The following TNNI3K variants were observed in gnomAD, a reference collection of about 807,000 sequenced individuals.
TNNI3K encodes serine/threonine-protein kinase TNNI3K.
Under a neutral mutation model 114.5 loss-of-function variants are expected in TNNI3K, and 140 were observed. That is an observed-to-expected ratio of 1.22 (90% CI 1.07 to 1.41). TNNI3K has a LOEUF of 1.41. TNNI3K is among the 40% of genes most tolerant of loss of function. TNNI3K has a pLI of 0.00. For synonymous variants in TNNI3K, 347 were observed against 347.5 expected, an observed-to-expected ratio of 1.00 and a Z score of 0.02; for missense variants, 1,125 against 1,007.6, an observed-to-expected ratio of 1.12 and a Z score of -1.58.
chr1:74,530,239 G>T (rs941989538), intron 23 of TNNI3K, among the ~76,000 whole-genome samples: 5 of 152,130 alleles, frequency 3.3e-5, no homozygotes, highest in African/African-American at 1.2e-4. Flanking sequence ...TTGATAAAAA[G>T]CCATGGAAAA....
At chr1:74,516,724 A>G (rs1041063178) in intron 23 of TNNI3K, among the ~76,000 whole-genome samples, 1 of 152,136 alleles carries the variant, frequency 6.6e-6, no homozygotes, top group African/African-American at 2.4e-5. Flanking sequence ...ATTCCCCATC[A>G]CTAATTCCAG....
chr1:74,431,683 A>G (rs576420708), intron 17 of TNNI3K, among the ~76,000 whole-genome samples: 1 of 152,220 alleles, frequency 6.6e-6, no homozygotes, highest in Non-Finnish European at 1.5e-5. Context: ...AGATTAGTAA[A>G]TGCGCTTCTA....
intron 17 of TNNI3K, among the ~76,000 whole-genome samples, chr1:74,411,744 G>T (rs74093563): frequency 0.032 from 4,944 of 152,212 alleles, 253 homozygotes; most frequent in African/African-American, 0.11. Context: ...AATAACACGG[G>T]ATATAGATAA....
rs781058425 is a variant in TNNI3K at position 74,404,701 on chromosome 1, A to G, written c.1773-31379A>G. Reference sequence around the variant, plus strand: ...CTGGCCTATGCTGATCTCCCAGACTATGGACTCATTTTACCTAATTTCACT... The same window carrying G: ...CTGGCCTATGCTGATCTCCCAGACTGTGGACTCATTTTACCTAATTTCACT... On this transcript the variant is annotated intron_variant, in intron 17 of 24. Transcript: ENST00000326637. 4.2e-4 allele frequency among the ~76,000 whole-genome samples: 64 copies of G among 152,278 alleles called. 1 individual carries two copies. Among genetic ancestry groups the G allele is most frequent in the Non-Finnish European group, 4.7e-4 (32 of 68,012 alleles).
intron 20 of TNNI3K, among the ~76,000 whole-genome samples, chr1:74,458,525 A>G (rs528599173): frequency 1.3e-5 from 2 of 152,298 alleles, no homozygotes; most frequent in South Asian, 4.1e-4. Flanking sequence ...GATTTCAGTA[A>G]TTTACCTGCT....
chr1:74,381,936 A>G (rs1663223961), intron 17 of TNNI3K, among the ~76,000 whole-genome samples: 1 of 152,202 alleles, frequency 6.6e-6, no homozygotes, highest in African/African-American at 2.4e-5. Context: ...CATTCCAGAG[A>G]CTAAAAAATC....
At chr1:74,505,598 C>A (rs1003069994) in intron 23 of TNNI3K, among the ~76,000 whole-genome samples, 1 of 152,024 alleles carries the variant, frequency 6.6e-6, no homozygotes, top group African/African-American at 2.4e-5. Flanking sequence ...TGGACTATAT[C>A]TAAACCTCAT....
chr1:74,263,415 C>T (rs1468263603), intron 4 of TNNI3K, among the ~76,000 whole-genome samples: 1 of 151,950 alleles, frequency 6.6e-6, no homozygotes, highest in Admixed American at 6.6e-5. Context: ...GTGCTTAGAA[C>T]AACGCTTGAT....
chr1:74,405,596 A>T (rs1291796991), intron 17 of TNNI3K, among the ~76,000 whole-genome samples: 1 of 152,164 alleles, frequency 6.6e-6, no homozygotes, highest in African/African-American at 2.4e-5. Context: ...AGAGAAAAGC[A>T]CCAAGGATTA....
chr1:74,398,011 G>A (rs889469500), intron 17 of TNNI3K, among the ~76,000 whole-genome samples: 2 of 152,206 alleles, frequency 1.3e-5, no homozygotes, highest in Admixed American at 1.3e-4. Flanking sequence ...ATTAATACAT[G>A]GAGAACTGGT....
At position 74,509,858 on chromosome 1, in the gene TNNI3K, A is replaced by AT. The variant is rs755299007; in HGVS notation, c.2351+17596dup. Reference sequence around the variant, plus strand: ...GCCTCAACTTCCCCAGGCTCAGGTGATTTTCCCTCCTCAGCTCCCCAAGTA... The same window carrying AT: ...GCCTCAACTTCCCCAGGCTCAGGTGATTTTTCCCTCCTCAGCTCCCCAAGTA... On this transcript the variant is annotated intron_variant, in intron 23 of 24. Coordinates refer to ENST00000326637, the MANE Select transcript of TNNI3K (RefSeq NM_015978.3). Among the ~76,000 whole-genome samples, 24 of 126,400 alleles carry AT rather than the reference A, an allele frequency of 1.9e-4. No individual in the cohort carries two copies. The East Asian group carries it at 4.7e-3, about 25-fold the overall frequency. 82.9% of individuals were successfully genotyped at this position (126,400 alleles called of 152,430 possible).
intron 17 of TNNI3K, among the ~76,000 whole-genome samples, chr1:74,380,834 G>A (rs948690874): frequency 6.6e-6 from 1 of 152,000 alleles, no homozygotes; most frequent in East Asian, 1.9e-4. Context: ...TCACTTGATC[G>A]TTTTCAACCC....
At chr1:74,331,415 C>T in intron 5 of TNNI3K, 35 bp from the exon 6 acceptor site, 1 of 1,599,566 alleles carries the variant, frequency 6.3e-7, no homozygotes, top group Non-Finnish European at 8.5e-7. Context: ...GATAACTCAA[C>T]TGAAGTTCTT....
intron 21 of TNNI3K, among the ~76,000 whole-genome samples, chr1:74,485,027 A>T (rs115198443): frequency 1.5e-3 from 235 of 152,272 alleles, no homozygotes; most frequent in African/African-American, 5.5e-3. Flanking sequence ...TAATTTAACA[A>T]ATTTGAGCTC....
intron 17 of TNNI3K, among the ~76,000 whole-genome samples, chr1:74,428,284 G>A (rs1665728979): frequency 6.6e-6 from 1 of 152,038 alleles, no homozygotes; most frequent in Non-Finnish European, 1.5e-5. Flanking sequence ...AGTATTGGGA[G>A]CTATTGAATG....
intron 11 of TNNI3K, among the ~76,000 whole-genome samples, chr1:74,362,948 C>A (rs895511727): frequency 6.6e-6 from 1 of 152,078 alleles, no homozygotes; most frequent in African/African-American, 2.4e-5. Flanking sequence ...TCTAAAAGTG[C>A]AGATCATCAT....
intron 17 of TNNI3K, among the ~76,000 whole-genome samples, chr1:74,394,039 C>G (rs1663942156): frequency 6.6e-6 from 1 of 152,172 alleles, no homozygotes; most frequent in African/African-American, 2.4e-5. Context: ...TAGTGAAACT[C>G]TATTGATTTA....
intron 23 of TNNI3K, among the ~76,000 whole-genome samples, chr1:74,505,192 G>A (rs1669831603): frequency 6.6e-6 from 1 of 152,118 alleles, no homozygotes; most frequent in Non-Finnish European, 1.5e-5. Context: ...AGTAAGACTT[G>A]GCCCAAAAAT....
At position 74,271,623 on chromosome 1, in the gene TNNI3K, T is replaced by C. The variant is rs1656354513; in HGVS notation, c.359T>C (p.Leu120Pro). 6.2e-7 allele frequency: 1 copy of C among 1,608,234 alleles called. No individual in the cohort carries two copies. The highest frequency in any genetic ancestry group is 1.3e-5 in the African/African-American group (1 of 74,732). Residue 120 changes from leucine to proline, a missense_variant, in exon 5 of 25, where the codon CTG (leucine) becomes CCG (proline). Transcript: ENST00000326637. ...YKDNAELITSLLHSGADIQQV... is the reference protein window; with the variant it reads ...YKDNAELITSPLHSGADIQQV... ...GATAATGCAGAATTGATCACTTCTCTGCTTCACAGTGGAGCTGATATACAG... is the reference window on the plus strand; with the variant it reads ...GATAATGCAGAATTGATCACTTCTCCGCTTCACAGTGGAGCTGATATACAG...
Sources: allele counts gnomAD v4.1 joint callset (sites outside exome capture counted in the v4.1 genomes callset), GRCh38; gene constraint gnomAD v4.1.1; transcripts MANE v1.5; gene names NCBI Gene and HGNC (gene_info 2026-07-23, HGNC 2026-07-21).